Variants in IQSEC1 observed in about 807,000 individuals in gnomAD.
IQSEC1 encodes the protein IQ motif and Sec7 domain ArfGEF 1.
IQSEC1 carries 31 observed loss-of-function variants against 91.0 expected under a neutral mutation model. The observed-to-expected ratio is 0.34, with a 90% CI of 0.26 to 0.46. IQSEC1 has a LOEUF of 0.46. Among genes scored for constraint, IQSEC1 ranks in the 20% least tolerant of loss-of-function variants. The pLI, the probability that IQSEC1 is intolerant of heterozygous loss-of-function variation, is 1.00. For synonymous variants in IQSEC1, 699 were observed against 662.6 expected (o/e 1.05, Z -0.84); for missense variants, 1,388 against 1,575.6 (o/e 0.88, Z 2.02).
intron 12 of IQSEC1, among the ~76,000 whole-genome samples, chr3:12,907,698 G>A (rs922935998): frequency 6.6e-6 from 1 of 152,250 alleles, no homozygotes; most frequent in East Asian, 1.9e-4. Context: ...CCACTCCCAG[G>A]AATGTAGGCA....
chr3:13,012,980 T>TTTTTTTTTG, intron 1 of IQSEC1, among the ~76,000 whole-genome samples: 1 of 149,598 alleles, frequency 6.7e-6, no homozygotes, highest in Non-Finnish European at 1.5e-5. Context: ...TTTTTTTTTT[T>TTTTTTTTTG]GAGACAGTCT....
intron 2 of IQSEC1, among the ~76,000 whole-genome samples, chr3:13,115,550 T>C (rs6800859): frequency 0.38 from 57,426 of 152,124 alleles, 12,250 homozygotes; most frequent in African/African-American, 0.59. Flanking sequence ...TCCCACCTCT[T>C]GCCCTATTTC....
chr3:13,101,959 T>C (rs1370748309), intron 2 of IQSEC1, among the ~76,000 whole-genome samples: 2 of 151,738 alleles, frequency 1.3e-5, no homozygotes, highest in Non-Finnish European at 2.9e-5. Flanking sequence ...AGGGAGGGTG[T>C]GCAGTGAGCC....
At chr3:13,021,609 C>CCTCAG (rs1703401475) in intron 1 of IQSEC1, among the ~76,000 whole-genome samples, 1 of 152,298 alleles carries the variant, frequency 6.6e-6, no homozygotes, top group Admixed American at 6.5e-5. Flanking sequence ...CGGGCTGAGC[C>CCTCAG]CTCAGCCACT....
In IQSEC1 at chr3:13,099,059, G is replaced by A. The variant is rs192957943; in HGVS notation, c.303-51537C>T. Among the ~76,000 whole-genome samples, 227 of 152,314 alleles carry A rather than the reference G, an allele frequency of 1.5e-3. 3 individuals are homozygous for A. The highest frequency in any genetic ancestry group is 4.8e-3 in the African/African-American group (201 of 41,568). On this transcript the variant is annotated intron_variant, in intron 2 of 15. Coordinates refer to the IQSEC1 transcript ENST00000648114. ...TTTCGGGGGATGGGGGGAACAGGCC[G>A]GGTGTCCCCAAAGAGGTGATATTGA...
In IQSEC1 at chr3:13,263,427, TGGGG is replaced by T. The variant is rs74458928; in HGVS notation, c.272+19280_272+19283del. Among the ~76,000 whole-genome samples, 178 of 102,914 alleles carry T rather than the reference TGGGG, an allele frequency of 1.7e-3. 1 individual carries two copies. The highest frequency in any genetic ancestry group is 0.016 in the Middle Eastern group (3 of 190). 67.5% of individuals were successfully genotyped at this position (102,914 alleles called of 152,430 possible). ...AAAAAGTACCTGACACTTTTTTTTT[TGGGG>T]GGGGGGGGAAAGTACCTGACACTTT... On this transcript the variant is annotated intron_variant, in intron 1 of 15. Coordinates refer to the IQSEC1 transcript ENST00000648114.
At chr3:13,247,909 C>T (rs1467330384) in intron 1 of IQSEC1, among the ~76,000 whole-genome samples, 1 of 152,232 alleles carries the variant, frequency 6.6e-6, no homozygotes, top group African/African-American at 2.4e-5. Flanking sequence ...CTGGGCCTGT[C>T]TTCCTGGGGT....
intron 2 of IQSEC1, among the ~76,000 whole-genome samples, chr3:13,079,155 C>T (rs1157679345): frequency 6.6e-6 from 1 of 152,224 alleles, no homozygotes; most frequent in East Asian, 1.9e-4. Flanking sequence ...GAGGCTGAGT[C>T]AGCACAGATG....
intron 2 of IQSEC1, among the ~76,000 whole-genome samples, chr3:13,122,918 G>A (rs781000650): frequency 6.6e-6 from 1 of 152,174 alleles, no homozygotes; most frequent in Non-Finnish European, 1.5e-5. Flanking sequence ...CCTTGGTCAC[G>A]CTCCCAGGAC....
intron 1 of IQSEC1, among the ~76,000 whole-genome samples, chr3:12,985,763 C>T (rs1701705148): frequency 6.6e-6 from 1 of 152,152 alleles, no homozygotes. Flanking sequence ...CTGAAAAATA[C>T]TTTCCATGTT....
At chr3:13,245,965 C>G (rs1695102182) in intron 1 of IQSEC1, among the ~76,000 whole-genome samples, 1 of 152,106 alleles carries the variant, frequency 6.6e-6, no homozygotes, top group South Asian at 2.1e-4. Flanking sequence ...GAACTTCCAG[C>G]TGAAGTTGAA....
At chr3:13,100,871 T>G (rs372473575) in intron 2 of IQSEC1, among the ~76,000 whole-genome samples, 3 of 148,576 alleles carry the variant, frequency 2.0e-5, no homozygotes, top group Admixed American at 2.0e-4. Context: ...AAGGATGCTT[T>G]GAAAGGCCAC....
At chr3:13,245,198 G>C (rs888396011) in intron 1 of IQSEC1, among the ~76,000 whole-genome samples, 18 of 152,292 alleles carry the variant, frequency 1.2e-4, no homozygotes, top group Admixed American at 8.5e-4. Flanking sequence ...GGCTGGACTA[G>C]CGAAGCCATG....
chr3:13,105,351 T>C (rs1004024204), intron 2 of IQSEC1, among the ~76,000 whole-genome samples: 2 of 152,178 alleles, frequency 1.3e-5, no homozygotes, highest in Admixed American at 1.3e-4. Flanking sequence ...TCCAGGGTCC[T>C]GGCCACACAT....
At chr3:13,136,383 T>A (rs1706710476) in intron 2 of IQSEC1, among the ~76,000 whole-genome samples, 1 of 152,188 alleles carries the variant, frequency 6.6e-6, no homozygotes. Flanking sequence ...GGGCCGGGAA[T>A]GATCCCTTAA....
At chr3:13,084,961 C>T (rs1197286444) in intron 2 of IQSEC1, among the ~76,000 whole-genome samples, 1 of 64,352 alleles carries the variant, frequency 1.6e-5, no homozygotes, top group African/African-American at 6.2e-5. Flanking sequence ...GAAACAGCCT[C>T]GGGGTGGGGT....
At chr3:13,071,488 G>C (rs1408583535) in intron 1 of IQSEC1, among the ~76,000 whole-genome samples, 1 of 152,184 alleles carries the variant, frequency 6.6e-6, no homozygotes, top group Non-Finnish European at 1.5e-5. Flanking sequence ...CCCAGGCAAA[G>C]GTGTGGCAGG....
intron 2 of IQSEC1, among the ~76,000 whole-genome samples, chr3:13,097,546 G>C (rs1273758757): frequency 6.6e-6 from 1 of 152,142 alleles, no homozygotes; most frequent in Non-Finnish European, 1.5e-5. Context: ...TCTGTGAACC[G>C]GGGCTGGGCC....
rs1446752969 is a variant in IQSEC1 at position 13,214,694 on chromosome 3, T to A, written c.273-50561A>T. ...GGCCACTGTGGCACACGAGCTGGTG[T>A]CCGGTGGAGCACGGTCTCCAGGGAG... On this transcript the variant is annotated intron_variant, in intron 1 of 15. Coordinates refer to the IQSEC1 transcript ENST00000648114. The surrounding 1 kb of genome is among the most constrained non-coding windows in gnomAD (Gnocchi z 4.5). Among the ~76,000 whole-genome samples, 1 of 152,196 alleles carries A rather than the reference T, an allele frequency of 6.6e-6. No individual in the cohort carries two copies. The highest frequency in any genetic ancestry group is 1.5e-5 in the Non-Finnish European group (1 of 68,028).
Sources: gnomAD v4.1 joint callset for allele counts (sites outside exome capture counted in the v4.1 genomes callset) on GRCh38, gnomAD v4.1.1 for gene constraint, Gnocchi (gnomAD v3.1) non-coding constraint, MANE v1.5 for transcripts, NCBI Gene and HGNC (gene_info 2026-07-23, HGNC 2026-07-21) for gene names.